Variants in CNTLN observed in about 807,000 individuals in gnomAD.
CNTLN encodes the protein centlein, centrosomal protein.
CNTLN carries 212 observed loss-of-function variants against 180.0 expected under a neutral mutation model. The ratio of observed to expected loss-of-function variants is 1.18; its 90% CI spans 1.05 to 1.32. CNTLN has a LOEUF of 1.32. Ranked by LOEUF, CNTLN falls within the 40% of genes most tolerant of loss-of-function variation. The pLI is 0.00. For synonymous variants in CNTLN, 722 were observed against 563.1 expected (o/e 1.28, Z -3.99); for missense variants, 2,095 against 1,610.9 (o/e 1.30, Z -5.14).
At chr9:17,390,808 T>G (rs1826054131) in intron 14 of CNTLN, among the ~76,000 whole-genome samples, 1 of 152,214 alleles carries the variant, frequency 6.6e-6, no homozygotes. Context: ...GTCTCTGTTT[T>G]GTTATTTGTC....
At chr9:17,144,333 C>T (rs1012042704) in intron 2 of CNTLN, among the ~76,000 whole-genome samples, 1 of 152,090 alleles carries the variant, frequency 6.6e-6, no homozygotes, top group African/African-American at 2.4e-5. Context: ...TTCTGATGAT[C>T]AGAATTAAGT....
intron 25 of CNTLN, among the ~76,000 whole-genome samples, chr9:17,499,066 A>C (rs1408861546): frequency 6.6e-6 from 1 of 152,198 alleles, no homozygotes; most frequent in Non-Finnish European, 1.5e-5. Flanking sequence ...TCTTGTTCTT[A>C]GTGTTTTTAA....
At chr9:17,285,214 C>G (rs1415513649) in intron 6 of CNTLN, among the ~76,000 whole-genome samples, 1 of 140,196 alleles carries the variant, frequency 7.1e-6, no homozygotes, top group Non-Finnish European at 1.5e-5. Flanking sequence ...TCCATGTGAT[C>G]TCATTGTTCA....
At chr9:17,233,831 A>C (rs963729647) in intron 3 of CNTLN, among the ~76,000 whole-genome samples, 2 of 152,182 alleles carry the variant, frequency 1.3e-5, no homozygotes, top group African/African-American at 4.8e-5. Context: ...AAGCAAAACT[A>C]TACAGCATAT....
intron 8 of CNTLN, among the ~76,000 whole-genome samples, chr9:17,330,028 C>T (rs551320137): frequency 6.6e-6 from 1 of 152,048 alleles, no homozygotes; most frequent in Admixed American, 6.6e-5. Flanking sequence ...GAACAGGTTT[C>T]CTACAAGATT....
chr9:17,177,880 A>G (rs1216706301), intron 2 of CNTLN, among the ~76,000 whole-genome samples: 2 of 152,162 alleles, frequency 1.3e-5, no homozygotes, highest in African/African-American at 4.8e-5. Context: ...TGGCTCAGGC[A>G]GCGGTGCTTT....
intron 8 of CNTLN, among the ~76,000 whole-genome samples, chr9:17,328,945 A>C (rs900232010): frequency 6.6e-5 from 10 of 151,930 alleles, no homozygotes; most frequent in Non-Finnish European, 1.3e-4. Flanking sequence ...TTATAGTGAC[A>C]GTATCCACTG....
chr9:17,195,003 C>T (rs1822037107), intron 2 of CNTLN, among the ~76,000 whole-genome samples: 1 of 152,002 alleles, frequency 6.6e-6, no homozygotes, highest in Non-Finnish European at 1.5e-5. Context: ...GGGAAACCGC[C>T]CCCATAATTC....
intron 24 of CNTLN, among the ~76,000 whole-genome samples, chr9:17,485,031 A>G (rs1832826818): frequency 6.6e-6 from 1 of 152,188 alleles, no homozygotes; most frequent in African/African-American, 2.4e-5. Flanking sequence ...ATAGTCTTTA[A>G]TAGCATTTCA....
chr9:17,454,903 A>T (rs1280364074), intron 18 of CNTLN, among the ~76,000 whole-genome samples: 2 of 152,178 alleles, frequency 1.3e-5, no homozygotes, highest in Non-Finnish European at 2.9e-5. Flanking sequence ...TTGCTTGAAG[A>T]TGGAAAGGTA....
chr9:17,290,842 AG>A (rs1829341062), intron 6 of CNTLN, among the ~76,000 whole-genome samples: 1 of 152,144 alleles, frequency 6.6e-6, no homozygotes, highest in South Asian at 2.1e-4. Context: ...TTCCCAGGTG[AG>A]GCAATGCCTC....
intron 2 of CNTLN, among the ~76,000 whole-genome samples, chr9:17,198,249 GT>G (rs1399682451): frequency 6.6e-6 from 1 of 151,670 alleles, no homozygotes; most frequent in African/African-American, 2.4e-5. Flanking sequence ...GTTTAGAATT[GT>G]TTTTTTCTAT....
At chr9:17,268,204 A>C (rs571896075) in intron 5 of CNTLN, among the ~76,000 whole-genome samples, 1 of 152,098 alleles carries the variant, frequency 6.6e-6, no homozygotes, top group Admixed American at 6.5e-5. Context: ...TGACTTACAG[A>C]TGGGTTTTTA....
intron 2 of CNTLN, among the ~76,000 whole-genome samples, chr9:17,147,674 G>A (rs1161111194): frequency 6.6e-6 from 1 of 152,160 alleles, no homozygotes; most frequent in East Asian, 1.9e-4. Flanking sequence ...TGTGACTTGG[G>A]ATTGTCAGTG....
At chr9:17,135,865 C>G (rs1158991435) in intron 1 of CNTLN, among the ~76,000 whole-genome samples, 2 of 152,188 alleles carry the variant, frequency 1.3e-5, no homozygotes. Context: ...TTTAAAATTT[C>G]AAACCCACAC....
chr9:17,256,591 G>C, intron 5 of CNTLN, among the ~76,000 whole-genome samples: 1 of 150,290 alleles, frequency 6.7e-6, no homozygotes, highest in East Asian at 1.9e-4. Flanking sequence ...GCTCTTAGTT[G>C]TCTTTTATTT....
At chr9:17,240,300 T>C (rs1441623351) in intron 5 of CNTLN, among the ~76,000 whole-genome samples, 1 of 152,198 alleles carries the variant, frequency 6.6e-6, no homozygotes, top group East Asian at 1.9e-4. Context: ...TGTATACTGA[T>C]CTTGTATCCT....
intron 12 of CNTLN, among the ~76,000 whole-genome samples, chr9:17,362,510 AT>A (rs5896739): frequency 0.59 from 89,024 of 151,746 alleles, 26,430 homozygotes; most frequent in East Asian, 0.73. Flanking sequence ...TGTAAACATT[AT>A]TTTTTTTCCA....
intron 2 of CNTLN, among the ~76,000 whole-genome samples, chr9:17,187,962 T>C (rs4961529): frequency 0.2 from 30,393 of 149,898 alleles, 3,483 homozygotes; most frequent in African/African-American, 0.31. Flanking sequence ...TTAATATTTA[T>C]ATACTCTCTA....
Sources: gnomAD v4.1 joint callset for allele counts (sites outside exome capture counted in the v4.1 genomes callset) on GRCh38, gnomAD v4.1.1 for gene constraint, MANE v1.5 for transcripts, NCBI Gene and HGNC (gene_info 2026-07-23, HGNC 2026-07-21) for gene names.